GRIN3A: variants seen among roughly 807,000 people sequenced by gnomAD.
GRIN3A encodes the protein glutamate ionotropic receptor NMDA type subunit 3A.
Under a neutral mutation model 92.4 loss-of-function variants are expected in GRIN3A, and 47 were observed. The observed-to-expected ratio is 0.51, with a 90% confidence interval of 0.40 to 0.65. GRIN3A has a LOEUF of 0.65. Ranked by LOEUF, GRIN3A falls within the 30% of genes least tolerant of loss-of-function variation. GRIN3A has a pLI of 0.00. For synonymous variants in GRIN3A, 527 were observed against 540.6 expected (o/e 0.97, Z 0.35); for missense variants, 1,324 against 1,393.1 (o/e 0.95, Z 0.79).
intron 2 of GRIN3A, among the ~76,000 whole-genome samples, chr9:101,676,093 C>A (rs35055805): frequency 0.098 from 14,860 of 151,736 alleles, 1,176 homozygotes; most frequent in East Asian, 0.39. Context: ...GGAAATAGCT[C>A]TGAAATAACT....
At chr9:101,667,832 C>T (rs760658052) in intron 3 of GRIN3A, among the ~76,000 whole-genome samples, 4 of 151,882 alleles carry the variant, frequency 2.6e-5, no homozygotes, top group African/African-American at 4.8e-5. Context: ...TCCTAAATCC[C>T]GGGGTCAAAC....
chr9:101,684,996 G>C lies in GRIN3A; in HGVS notation c.1304+1600C>G, dbSNP rs79008391. ...AGCTTGCCAACAGTAGATTAAATCT[G>C]GAGAGTGGCTATAAAATAAAATATG... On this transcript the variant is annotated intron_variant, in intron 2 of 8. Coordinates refer to ENST00000361820, the MANE Select transcript of GRIN3A (RefSeq NM_133445.3). Among the ~76,000 whole-genome samples, 341 of 152,212 alleles carry C rather than the reference G, an allele frequency of 2.2e-3. 2 individuals carry two copies. Among genetic ancestry groups the C allele is most frequent in the African/African-American group, 7.8e-3 (324 of 41,548 alleles).
At chr9:101,624,410 T>A (rs992161715) in intron 4 of GRIN3A, among the ~76,000 whole-genome samples, 2 of 130,872 alleles carry the variant, frequency 1.5e-5, no homozygotes, top group African/African-American at 5.7e-5. Flanking sequence ...GAGTGTGATG[T>A]TCCCCTTCCT....
chr9:101,600,833 G>A (rs1041224971), intron 6 of GRIN3A: 2 of 152,172 alleles, frequency 1.3e-5, no homozygotes, highest in African/African-American at 4.8e-5. Flanking sequence ...CTGAAGAAAA[G>A]ACAACATTTA....
Position 101,603,731 on chromosome 9 carries a change from C to T in GRIN3A, c.2766+9645G>A, listed in dbSNP as rs1016436245. 5.3e-5 allele frequency among the ~76,000 whole-genome samples: 8 copies of T among 152,204 alleles called. No individual in the cohort carries two copies. The South Asian group carries it at 1.0e-3, about 20-fold the overall frequency. On this transcript the variant is annotated intron_variant, in intron 6 of 8. Transcript: ENST00000361820. ...AGCCACCTGTAATTTTAGAATCCCT[C>T]GGGAAGGGGCCCTATTAACAGGGCA...
rs373293493 is a variant in GRIN3A, at chr9:101,670,897, G to A, written c.1515C>T (p.Thr505=). 7.9e-5 allele frequency: 127 copies of A among 1,612,176 alleles called. 1 individual carries two copies. In the Middle Eastern group the frequency reaches 2.5e-3, roughly 31 times the overall value. The change falls in exon 3 of 9, where the codon ACC becomes ACT. Residue 505 remains threonine (T), a synonymous_variant. Coordinates refer to ENST00000361820, the MANE Select transcript of GRIN3A (RefSeq NM_133445.3). ...IWPEQAQRHK[T]HFQHPSKLHL... is the part of the protein sequence containing the mutation. ...GTAGCTTACTTGGATGTTGGAAGTG[G>A]GTTTTGTGTCTCTGGGCCTGCTCTG... is the stretch of plus-strand genomic sequence containing the variant.
Position 101,628,409 on chromosome 9 carries a change from G to A in GRIN3A, c.2353-8C>T. 6.2e-7 allele frequency: 1 copy of A among 1,612,364 alleles called. No individual in the cohort carries two copies. The highest frequency in any genetic ancestry group is 8.5e-7 in the Non-Finnish European group (1 of 1,178,862). Reference sequence around the variant, plus strand: ...TTGGGAAGGATGATGTAACTATGAGGGAGAAAAAGAAATGGCTTAAATAAA... The same window carrying A: ...TTGGGAAGGATGATGTAACTATGAGAGAGAAAAAGAAATGGCTTAAATAAA... On this transcript the variant is annotated splice_polypyrimidine_tract_variant and splice_region_variant and intron_variant, in intron 3 of 8. Coordinates refer to ENST00000361820, the MANE Select transcript of GRIN3A (RefSeq NM_133445.3).
At position 101,733,458 on chromosome 9, in the gene GRIN3A, T is replaced by C. The variant is rs116326299; in HGVS notation, c.699+3823A>G. 8.5e-3 allele frequency among the ~76,000 whole-genome samples: 1,290 copies of C among 152,336 alleles called. 21 individuals carry two copies. The highest frequency in any genetic ancestry group is 0.03 in the African/African-American group (1,228 of 41,576). On this transcript the variant is annotated intron_variant, in intron 1 of 8. Coordinates refer to ENST00000361820, the MANE Select transcript of GRIN3A (RefSeq NM_133445.3). ...TCACTTGACATTTAATTTGAAATTG[T>C]TTATCTTTAAGTCAGCAACAATTAG...
At chr9:101,703,790 G>A (rs760134272) in intron 1 of GRIN3A, among the ~76,000 whole-genome samples, 17 of 151,990 alleles carry the variant, frequency 1.1e-4, no homozygotes, top group Non-Finnish European at 1.9e-4. Context: ...ATTTATTATC[G>A]TTACTCTGGG....
chr9:101,648,701 A>G (rs1702988673), intron 3 of GRIN3A, among the ~76,000 whole-genome samples: 1 of 152,004 alleles, frequency 6.6e-6, no homozygotes, highest in African/African-American at 2.4e-5. Context: ...CACATTTATC[A>G]TTATGTAATG....
At chr9:101,694,735 A>G (rs1055419119) in intron 1 of GRIN3A, among the ~76,000 whole-genome samples, 3 of 152,198 alleles carry the variant, frequency 2.0e-5, no homozygotes, top group Non-Finnish European at 4.4e-5. Context: ...CTTTGATCAA[A>G]GGGCATGGCT....
chr9:101,684,815 G>T (rs1479977688), intron 2 of GRIN3A, among the ~76,000 whole-genome samples: 14 of 152,208 alleles, frequency 9.2e-5, no homozygotes, highest in Non-Finnish European at 1.3e-4. Context: ...GGAACTCAAT[G>T]TAGTTTTCAT....
chr9:101,594,591 C>T (rs1828086291), intron 6 of GRIN3A: 2 of 1,614,054 alleles, frequency 1.2e-6, no homozygotes, highest in Non-Finnish European at 1.7e-6. Flanking sequence ...TGGAAGAGCT[C>T]CCCGTTGGAA....
At chr9:101,712,443 A>G (rs1479891071) in intron 1 of GRIN3A, among the ~76,000 whole-genome samples, 1 of 152,214 alleles carries the variant, frequency 6.6e-6, no homozygotes, top group Admixed American at 6.5e-5. Context: ...AAAGTTACAG[A>G]ACTAAGTGGA....
chr9:101,693,144 C>T (rs1829641116), intron 1 of GRIN3A, among the ~76,000 whole-genome samples: 1 of 151,624 alleles, frequency 6.6e-6, no homozygotes, highest in South Asian at 2.1e-4. Flanking sequence ...GTGGCTCATG[C>T]CTTTAATTCC....
chr9:101,719,483 G>A lies in GRIN3A; in HGVS notation c.699+17798C>T, dbSNP rs577012913. On this transcript the variant is annotated intron_variant, in intron 1 of 8. Coordinates refer to ENST00000361820, the MANE Select transcript of GRIN3A (RefSeq NM_133445.3). ...GCCATTTAAATTTCAGTGTTTCAAT[G>A]GCCTCTTAAGTCAGTTAGGAGCCAT... Among the ~76,000 whole-genome samples, 98 of 151,954 alleles carry A rather than the reference G, an allele frequency of 6.4e-4. 1 individual carries two copies. Among genetic ancestry groups the A allele is most frequent in the Non-Finnish European group, 1.2e-3 (80 of 67,970 alleles).
At chr9:101,673,206 C>T (rs1229059688) in intron 2 of GRIN3A, among the ~76,000 whole-genome samples, 1 of 152,098 alleles carries the variant, frequency 6.6e-6, no homozygotes, top group Non-Finnish European at 1.5e-5. Flanking sequence ...CAAATATATG[C>T]TTAAACCATA....
intron 6 of GRIN3A, among the ~76,000 whole-genome samples, chr9:101,612,213 A>T (rs575519422): frequency 8.5e-5 from 13 of 152,242 alleles, no homozygotes; most frequent in Non-Finnish European, 1.6e-4. Context: ...TCGAGTGACA[A>T]CAGTGGAGAT....
At position 101,738,023 on chromosome 9, in the gene GRIN3A, G is replaced by C. The variant is rs1830241996; in HGVS notation, c.-44C>G. The C allele has an allele frequency of 6.7e-7, 1 of 1,496,766 alleles. No individual in the cohort carries two copies. Among genetic ancestry groups the C allele is most frequent in the East Asian group, 2.5e-5 (1 of 40,656 alleles). 92.7% of individuals were successfully genotyped at this position (1,496,766 alleles called of 1,614,324 possible). A position where few individuals can be genotyped will look rare whatever the true frequency, so the allele number is the denominator to read the frequency against. ...GAAAGCGCGCCCCCTCCTGCGCCCG[G>C]CTCGCCCCTCTGCAGCCGCTGCCTG... On this transcript the variant is annotated 5_prime_UTR_variant, in exon 1 of 9. Transcript: ENST00000361820.
Sources: gnomAD v4.1 joint callset for allele counts (sites outside exome capture counted in the v4.1 genomes callset) on GRCh38, gnomAD v4.1.1 for gene constraint, MANE v1.5 for transcripts, NCBI Gene and HGNC (gene_info 2026-07-23, HGNC 2026-07-21) for gene names.